VPS36: variants seen among roughly 807,000 people sequenced by gnomAD.
VPS36 encodes vacuolar protein sorting 36 homolog.
Under a neutral mutation model 63.5 loss-of-function variants are expected in VPS36, and 31 were observed. The observed-to-expected ratio is 0.49, with a 90% CI of 0.37 to 0.66. VPS36 has a LOEUF of 0.66. Among genes scored for constraint, VPS36 ranks in the 30% least tolerant of loss-of-function variants. The pLI is 0.00. For synonymous variants in VPS36, 138 were observed against 157.2 expected, an observed-to-expected ratio of 0.88 and a Z score of 0.91; for missense variants, 338 against 463.7, an observed-to-expected ratio of 0.73 and a Z score of 2.49.
chr13:52,430,414 C>T (rs144202439), intron 6 of VPS36, among the ~76,000 whole-genome samples: 148 of 152,180 alleles, frequency 9.7e-4, no homozygotes, highest in African/African-American at 3.4e-3. Flanking sequence ...GACCGGATCA[C>T]GAGGTCAGGA....
At chr13:52,431,481 C>T (rs768971275) in intron 6 of VPS36, among the ~76,000 whole-genome samples, 8 of 151,890 alleles carry the variant, frequency 5.3e-5, no homozygotes, top group Non-Finnish European at 8.8e-5. Context: ...GAAACCAGAG[C>T]GGTCTGGGCG....
chr13:52,414,182 G>A lies in VPS36; in HGVS notation c.*1648C>T, dbSNP rs1957971332. 6.6e-6 allele frequency: 1 copy of A among 152,132 alleles called. No homozygotes were observed. Among genetic ancestry groups the A allele is most frequent in the Non-Finnish European group, 1.5e-5 (1 of 68,030 alleles). The allele number at this position is 152,132 out of a possible 1,614,324, so 9.4% of individuals were successfully genotyped here. On this transcript the variant is annotated 3_prime_UTR_variant, in exon 14 of 14. Transcript: ENST00000378060. ...AAGCCTTAGCCAGGTGAGAGAGAGA[G>A]AGAGTGTGTGTGTGTGTACAAGTTT...
Position 52,434,809 on chromosome 13 carries a change from G to C in VPS36, c.425C>G (p.Thr142Arg). 6.2e-7 allele frequency: 1 copy of C among 1,613,690 alleles called. No homozygotes were observed. The highest frequency in any genetic ancestry group is 8.5e-7 in the Non-Finnish European group (1 of 1,179,808). ...TAAAAATACCTGGGGTCCTCTATTT[G>C]TTTGTAATGACTGGGAAACTGGCAT... ...ENMPVSQSLQ[T>R]NRGPQPGRIR... Residue 142 changes from threonine to arginine, a missense_variant, in exon 5 of 14, where the codon ACA becomes AGA. Thr to Arg is a moderately conservative substitution (Grantham distance 71, BLOSUM62 -1). Transcript: ENST00000378060.
chr13:52,440,935 A>G (rs1417978680), intron 2 of VPS36, among the ~76,000 whole-genome samples: 2 of 152,150 alleles, frequency 1.3e-5, no homozygotes, highest in Non-Finnish European at 2.9e-5. Context: ...ACCATCAGGC[A>G]TTAGACTCTC....
At chr13:52,430,817 GA>G (rs1156520603) in intron 6 of VPS36, among the ~76,000 whole-genome samples, 1 of 150,994 alleles carries the variant, frequency 6.6e-6, no homozygotes, top group African/African-American at 2.4e-5. Context: ...GCCCATCTAG[GA>G]AAAACAGCAA....
At chr13:52,440,574 T>A (rs1368556177) in intron 2 of VPS36, among the ~76,000 whole-genome samples, 4 of 152,230 alleles carry the variant, frequency 2.6e-5, no homozygotes, top group African/African-American at 4.8e-5. Context: ...ATTACAGGCA[T>A]GAGCCACTGC....
intron 10 of VPS36, 99 bp downstream of exon 10, chr13:52,423,475 T>C (rs1958065435): frequency 9.8e-7 from 1 of 1,018,714 alleles, no homozygotes; most frequent in Admixed American, 1.8e-5. Flanking sequence ...CTTCTCAAAA[T>C]AGCTTTGATA....
At chr13:52,441,284 G>C (rs999230154) in intron 2 of VPS36, among the ~76,000 whole-genome samples, 17 of 152,136 alleles carry the variant, frequency 1.1e-4, no homozygotes, top group African/African-American at 3.6e-4. Context: ...TAGTTTATTT[G>C]TGGTACTAAA....
At chr13:52,436,218 AACACACACACACACACACAC>A in intron 4 of VPS36, 52 bp downstream of exon 4, 4 of 642,928 alleles carry the variant, frequency 6.2e-6, no homozygotes, top group Non-Finnish European at 7.9e-6. Context: ...AACAAGCCAC[AACACACACACACACACACAC>A]ACACACACAC....
Position 52,438,380 on chromosome 13 carries a change from T to C in VPS36, c.236+718A>G, listed in dbSNP as rs78194706. On this transcript the variant is annotated intron_variant, in intron 3 of 13. Coordinates refer to ENST00000378060, the MANE Select transcript of VPS36 (RefSeq NM_016075.4). ...ATATCAAATAAATAATCTTTTACAGTAAATCATAACATTATGATCAAGGCA... is the reference window on the plus strand; with the variant it reads ...ATATCAAATAAATAATCTTTTACAGCAAATCATAACATTATGATCAAGGCA... 6.7e-3 allele frequency among the ~76,000 whole-genome samples: 1,015 copies of C among 152,338 alleles called. 5 individuals carry two copies. The highest frequency in any genetic ancestry group is 0.014 in the South Asian group (70 of 4,832).
At position 52,414,033 on chromosome 13, in the gene VPS36, T is replaced by C. The variant is rs923822888; in HGVS notation, c.*1797A>G. On this transcript the variant is annotated 3_prime_UTR_variant, in exon 14 of 14. Transcript: ENST00000378060. ...GTTGTCACACTAAAGTAAACAAATA[T>C]GTTAAATTATGTAGGTTTGCAGTAA... The C allele has an allele frequency of 6.6e-6, 1 of 152,214 alleles. No individual in the cohort carries two copies. The highest frequency in any genetic ancestry group is 1.5e-5 in the Non-Finnish European group (1 of 68,038). 9.4% of individuals were successfully genotyped at this position (152,214 alleles called of 1,614,324 possible).
At chr13:52,449,172 C>T (rs1190799548) in intron 1 of VPS36, among the ~76,000 whole-genome samples, 2 of 151,962 alleles carry the variant, frequency 1.3e-5, no homozygotes, top group Admixed American at 6.6e-5. Context: ...GGTGAAACCC[C>T]GTCTCTACTA....
chr13:52,426,585 A>G (rs1958103057), intron 8 of VPS36, among the ~76,000 whole-genome samples: 1 of 152,218 alleles, frequency 6.6e-6, no homozygotes, highest in South Asian at 2.1e-4. Context: ...TAAAAGAAAT[A>G]AAACAGGCTG....
intron 1 of VPS36, among the ~76,000 whole-genome samples, chr13:52,447,595 G>A (rs996576536): frequency 6.6e-6 from 1 of 152,156 alleles, no homozygotes; most frequent in Non-Finnish European, 1.5e-5. Flanking sequence ...AGGCACTTGG[G>A]CGTGGGAAGA....
intron 1 of VPS36, among the ~76,000 whole-genome samples, chr13:52,448,306 T>C (rs1321135414): frequency 2.0e-5 from 3 of 152,238 alleles, no homozygotes; most frequent in Non-Finnish European, 4.4e-5. Context: ...TGTGTAACCT[T>C]GTAAAGTCTC....
chr13:52,423,616 G>A lies in VPS36; in HGVS notation c.798C>T (p.Leu266=), dbSNP rs148697614. Residue 266 remains leucine (L), a synonymous_variant, in exon 10 of 14, where the codon CTC becomes CTT. Coordinates refer to ENST00000378060, the MANE Select transcript of VPS36 (RefSeq NM_016075.4). The part of the protein sequence containing the change: ...PLEERGGIMS[L]TEVYCLVNRA... Reference sequence around the variant, plus strand: ...GGTTTACTAAGCAGTACACCTCCGTGAGTGACATTATTCCCCCTCGTTCCT... The same window carrying A: ...GGTTTACTAAGCAGTACACCTCCGTAAGTGACATTATTCCCCCTCGTTCCT... 5,277 of 1,611,178 alleles carry A rather than the reference G, an allele frequency of 3.3e-3. 9 individuals carry two copies. Among genetic ancestry groups the A allele is most frequent in the Non-Finnish European group, 3.9e-3 (4,543 of 1,178,732 alleles).
chr13:52,432,440 A>C lies in VPS36; in HGVS notation c.528+1222T>G, dbSNP rs1958169424. On this transcript the variant is annotated intron_variant, in intron 6 of 13. Transcript: ENST00000378060. The stretch of plus-strand genomic sequence containing the variant: ...AAGGAAACAATTTATTACCCTGATG[A>C]TAAAGGAAAATGCAATTATCCTGCC... 3.3e-5 allele frequency among the ~76,000 whole-genome samples: 5 copies of C among 152,256 alleles called. No individual in the cohort carries two copies. The South Asian group carries it at 1.0e-3, about 31-fold the overall frequency.
chr13:52,429,759 C>T (rs1958137180), intron 6 of VPS36, among the ~76,000 whole-genome samples: 1 of 152,108 alleles, frequency 6.6e-6, no homozygotes, highest in Non-Finnish European at 1.5e-5. Flanking sequence ...TTAAGAAAAA[C>T]ATTATTTTCA....
chr13:52,426,615 G>A (rs1958103384), intron 8 of VPS36, among the ~76,000 whole-genome samples: 1 of 152,222 alleles, frequency 6.6e-6, no homozygotes. Flanking sequence ...GTTCATGCCT[G>A]TAATCCGAGG....
Sources: allele counts gnomAD v4.1 joint callset (sites outside exome capture counted in the v4.1 genomes callset), GRCh38; gene constraint gnomAD v4.1.1; transcripts MANE v1.5; gene names NCBI Gene and HGNC (gene_info 2026-07-23, HGNC 2026-07-21).